The following REEP1 variants were observed in gnomAD, a reference collection of about 807,000 sequenced individuals.
The protein encoded by REEP1 is receptor expression-enhancing protein 1.
Under a neutral mutation model 40.3 loss-of-function variants are expected in REEP1, and 22 were observed. The ratio of observed to expected loss-of-function variants is 0.55; its 90% CI spans 0.39 to 0.78. The LOEUF (loss-of-function observed/expected upper bound fraction) is 0.78, where lower values mean the gene tolerates loss of function less well. Among genes scored for constraint, REEP1 ranks in the 30% least tolerant of loss-of-function variants. The pLI, the probability that REEP1 is intolerant of heterozygous loss-of-function variation, is 0.00. For synonymous variants in REEP1, 116 were observed against 139.2 expected, an observed-to-expected ratio of 0.83 and a Z score of 1.17; for missense variants, 280 against 361.1, an observed-to-expected ratio of 0.78 and a Z score of 1.82.
chr2:86,273,123 A>G (rs1055456268), intron 2 of REEP1, among the ~76,000 whole-genome samples: 1 of 138,382 alleles, frequency 7.2e-6, no homozygotes. Context: ...CCTTGGCAAC[A>G]GAACAAGACC....
intron 1 of REEP1, among the ~76,000 whole-genome samples, chr2:86,327,590 T>A (rs996316769): frequency 6.8e-6 from 1 of 146,960 alleles, no homozygotes; most frequent in Non-Finnish European, 1.5e-5. Flanking sequence ...TTTTTGGAGA[T>A]GGGGCCTCGC....
At chr2:86,237,397 C>CA (rs1340775945) in intron 5 of REEP1, among the ~76,000 whole-genome samples, 2 of 152,210 alleles carry the variant, frequency 1.3e-5, no homozygotes, top group African/African-American at 4.8e-5. Context: ...TGGATACTGA[C>CA]ACGCCGAGCT....
In REEP1 at chr2:86,309,448, G is replaced by A. The variant is rs1004756468; in HGVS notation, c.33-27206C>T. ...ATGTAAACTGCTCTTCAATCCACAC[G>A]GCCAAACACGGCCTTCACACCTCTT... On this transcript the variant is annotated intron_variant, in intron 1 of 8. Transcript: ENST00000538924. 3.3e-5 allele frequency among the ~76,000 whole-genome samples: 5 copies of A among 152,170 alleles called. No individual in the cohort carries two copies. In the South Asian group the frequency reaches 8.3e-4, roughly 25 times the overall value.
At chr2:86,314,120 G>A (rs531329955) in intron 1 of REEP1, among the ~76,000 whole-genome samples, 12 of 152,262 alleles carry the variant, frequency 7.9e-5, no homozygotes, top group African/African-American at 2.6e-4. Context: ...ATCTACCCAG[G>A]AAGCTTCTGC....
At chr2:86,323,190 C>T (rs921660624) in intron 1 of REEP1, among the ~76,000 whole-genome samples, 3 of 152,176 alleles carry the variant, frequency 2.0e-5, no homozygotes, top group African/African-American at 7.2e-5. Flanking sequence ...GCAACAGAGC[C>T]AGACTCTGTC....
chr2:86,318,121 A>G (rs1213744567), intron 1 of REEP1, among the ~76,000 whole-genome samples: 1 of 152,244 alleles, frequency 6.6e-6, no homozygotes, highest in Non-Finnish European at 1.5e-5. Flanking sequence ...ATATTAATGC[A>G]TATGGATTTT....
chr2:86,320,251 T>A (rs1294869301), intron 1 of REEP1, among the ~76,000 whole-genome samples: 1 of 152,204 alleles, frequency 6.6e-6, no homozygotes, highest in African/African-American at 2.4e-5. Context: ...ACTAACCTCA[T>A]CCTCACATAA....
chr2:86,315,906 C>G (rs1266419198), intron 1 of REEP1, among the ~76,000 whole-genome samples: 1 of 152,182 alleles, frequency 6.6e-6, no homozygotes, highest in Non-Finnish European at 1.5e-5. Context: ...TAAAGGCTTG[C>G]TAGGGACTTC....
At chr2:86,226,604 G>A (rs1674720932) in intron 7 of REEP1, among the ~76,000 whole-genome samples, 1 of 150,276 alleles carries the variant, frequency 6.7e-6, no homozygotes, top group African/African-American at 2.5e-5. Context: ...AAGTAGTTGG[G>A]ACTACAGGTG....
At chr2:86,321,710 T>C (rs1328383893) in intron 1 of REEP1, among the ~76,000 whole-genome samples, 2 of 152,202 alleles carry the variant, frequency 1.3e-5, no homozygotes, top group Admixed American at 6.5e-5. Context: ...AGAAATCACA[T>C]TGTCTCAATG....
chr2:86,286,896 A>G (rs563760279), intron 1 of REEP1, among the ~76,000 whole-genome samples: 1 of 152,340 alleles, frequency 6.6e-6, no homozygotes, highest in African/African-American at 2.4e-5. Flanking sequence ...CAATGCTGGC[A>G]ATATATTTTT....
At chr2:86,332,419 T>C in intron 1 of REEP1, among the ~76,000 whole-genome samples, 1 of 139,824 alleles carries the variant, frequency 7.2e-6, no homozygotes, top group Non-Finnish European at 1.5e-5. Context: ...TTCCCTAGCC[T>C]CCCTAACTTT....
intron 1 of REEP1, among the ~76,000 whole-genome samples, chr2:86,307,398 G>A (rs13024436): frequency 0.33 from 49,894 of 151,914 alleles, 9,799 homozygotes; most frequent in East Asian, 0.58. Context: ...TTGTCCATTT[G>A]TGCCCAAAAG....
intron 1 of REEP1, among the ~76,000 whole-genome samples, chr2:86,321,848 A>G (rs555403977): frequency 6.6e-6 from 1 of 152,322 alleles, no homozygotes; most frequent in African/African-American, 2.4e-5. Context: ...ATGTTGAAGC[A>G]TCCCTTTTTA....
At chr2:86,255,731 T>C (rs1193456156) in intron 3 of REEP1, among the ~76,000 whole-genome samples, 2 of 152,114 alleles carry the variant, frequency 1.3e-5, no homozygotes, top group African/African-American at 4.8e-5. Context: ...ACAAATAATA[T>C]AGAACAGAAA....
intron 2 of REEP1, among the ~76,000 whole-genome samples, chr2:86,268,213 C>A (rs1022888724): frequency 6.6e-6 from 1 of 152,064 alleles, no homozygotes; most frequent in African/African-American, 2.4e-5. Context: ...CATTTTTCCT[C>A]ATAGATGGTG....
At chr2:86,275,492 T>C (rs1049444328) in intron 2 of REEP1, among the ~76,000 whole-genome samples, 5 of 152,220 alleles carry the variant, frequency 3.3e-5, no homozygotes, top group Admixed American at 3.3e-4. Context: ...ACTTCCTTTA[T>C]GGAGCTCCCA....
chr2:86,276,676 T>G (rs768538857), intron 2 of REEP1, among the ~76,000 whole-genome samples: 1 of 152,138 alleles, frequency 6.6e-6, no homozygotes, highest in Non-Finnish European at 1.5e-5. Flanking sequence ...GACCAACATA[T>G]GGTGGTGCTT....
intron 1 of REEP1, among the ~76,000 whole-genome samples, chr2:86,331,638 G>A (rs1217903265): frequency 6.6e-6 from 1 of 152,178 alleles, no homozygotes; most frequent in African/African-American, 2.4e-5. Flanking sequence ...GGGAACAGGA[G>A]GCACCTTTGT....
Sources: gnomAD v4.1 joint callset for allele counts (sites outside exome capture counted in the v4.1 genomes callset) on GRCh38, gnomAD v4.1.1 for gene constraint, MANE v1.5 for transcripts, NCBI Gene and HGNC (gene_info 2026-07-23, HGNC 2026-07-21) for gene names.